PRRC2C: variants seen among roughly 807,000 people sequenced by gnomAD.
PRRC2C encodes the protein protein PRRC2C.
In PRRC2C, 72 loss-of-function variants were observed where a neutral mutation model predicts 317.2. That is an observed-to-expected ratio of 0.23 (90% CI 0.19 to 0.28). The LOEUF (loss-of-function observed/expected upper bound fraction) is 0.28. Ranked by LOEUF, PRRC2C falls within the 10% of genes least tolerant of loss-of-function variation. The probability of loss-of-function intolerance (pLI) is 1.00; values close to 1 mark genes in which losing one functional copy is unlikely to be tolerated. For missense variants in PRRC2C, 3,074 were observed against 3,459.7 expected (o/e 0.89, Z 2.80); for synonymous variants, 1,296 against 1,205.9 (o/e 1.07, Z -1.55).
chr1:171,497,830 G>A (rs1312811554), intron 1 of PRRC2C, among the ~76,000 whole-genome samples: 1 of 150,546 alleles, frequency 6.6e-6, no homozygotes, highest in East Asian at 2.0e-4. Flanking sequence ...GGGGCAGTGG[G>A]GGGATACAAG....
chr1:171,517,431 C>G (rs970563306), intron 5 of PRRC2C, among the ~76,000 whole-genome samples, 160 bp from the exon 6 acceptor site: 3 of 152,232 alleles, frequency 2.0e-5, no homozygotes, highest in African/African-American at 4.8e-5. Flanking sequence ...GAAGCCACTA[C>G]TACGCAAACA....
At chr1:171,513,526 A>G (rs1269663905) in intron 3 of PRRC2C, 4 of 448,608 alleles carry the variant, frequency 8.9e-6, no homozygotes, top group Non-Finnish European at 1.8e-5. Flanking sequence ...TCTGTCTGCC[A>G]ATTTACTGTG....
intron 19 of PRRC2C, among the ~76,000 whole-genome samples, chr1:171,560,656 C>T (rs764186880): frequency 6.6e-5 from 10 of 152,052 alleles, no homozygotes; most frequent in Non-Finnish European, 1.0e-4. Context: ...TCCTTTTTAG[C>T]GGTAGTTTTT....
chr1:171,530,187 GAT>G (rs1351386623), intron 11 of PRRC2C, among the ~76,000 whole-genome samples: 1 of 147,316 alleles, frequency 6.8e-6, no homozygotes, highest in Non-Finnish European at 1.5e-5. Flanking sequence ...AGAATGCAAA[GAT>G]ATGTTACAGA....
chr1:171,576,071 T>G (rs1685647379), intron 25 of PRRC2C, among the ~76,000 whole-genome samples: 1 of 152,260 alleles, frequency 6.6e-6, no homozygotes, highest in African/African-American at 2.4e-5. Flanking sequence ...ATTAACATTT[T>G]AAATCAAACT....
At chr1:171,551,988 A>G (rs1029937746) in intron 18 of PRRC2C, among the ~76,000 whole-genome samples, 2 of 152,150 alleles carry the variant, frequency 1.3e-5, no homozygotes, top group African/African-American at 4.8e-5. Flanking sequence ...GTTTTTTCCA[A>G]TTCTGTGAAG....
rs373848747 is a variant in PRRC2C, at chr1:171,566,720, C to T, written c.6435C>T (p.Ser2145=). The change falls in exon 22 of 35, where the codon AGC becomes AGT. Residue 2145 remains serine (S), a synonymous_variant. Transcript: ENST00000647382. Reference sequence around the variant, plus strand: ...AGCCAGAAGGACAAGAGAAACCAAGCCCAGCTACAGTCAGAAGCACAGATC... The same window carrying T: ...AGCCAGAAGGACAAGAGAAACCAAGTCCAGCTACAGTCAGAAGCACAGATC... ...QVEPEGQEKP[S]PATVRSTDPV... 6.2e-7 allele frequency: 1 copy of T among 1,613,532 alleles called. No homozygotes were observed. Among genetic ancestry groups the T allele is most frequent in the African/African-American group, 1.3e-5 (1 of 74,888 alleles).
At chr1:171,575,386 G>T (rs997308038) in intron 25 of PRRC2C, among the ~76,000 whole-genome samples, 3 of 152,120 alleles carry the variant, frequency 2.0e-5, no homozygotes, top group Non-Finnish European at 4.4e-5. Context: ...CAACTAACTA[G>T]ATCAGCTCAA....
At chr1:171,573,837 G>C (rs925182880) in intron 24 of PRRC2C, among the ~76,000 whole-genome samples, 2 of 151,408 alleles carry the variant, frequency 1.3e-5, no homozygotes, top group African/African-American at 4.9e-5. Flanking sequence ...CACCACGCCC[G>C]GCTAAATTTT....
chr1:171,557,812 A>G lies in PRRC2C; in HGVS notation c.5700A>G (p.Pro1900=). 6.5e-7 allele frequency: 1 copy of G among 1,549,174 alleles called. No individual in the cohort carries two copies. The highest frequency in any genetic ancestry group is 8.7e-7 in the Non-Finnish European group (1 of 1,145,818). ...ITAPTIPASA[P]TASVPLAPAS... is the part of the protein sequence containing the mutation. ...CACCAACTATCCCAGCCTCAGCCCC[A>G]ACTGCCTCAGTCCCACTTGCCCCTG... is the stretch of plus-strand genomic sequence containing the variant. The change falls in exon 19 of 35, where the codon CCA becomes CCG. Residue 1900 remains proline (P), a synonymous_variant. Transcript: ENST00000647382.
chr1:171,587,977 C>A (rs1033456554), intron 32 of PRRC2C, among the ~76,000 whole-genome samples: 3 of 151,486 alleles, frequency 2.0e-5, no homozygotes, highest in Non-Finnish European at 4.4e-5. Flanking sequence ...ACCTTTTTTT[C>A]TTTTATTTTT....
intron 1 of PRRC2C, among the ~76,000 whole-genome samples, chr1:171,492,055 C>G (rs774156842): frequency 7.9e-5 from 12 of 152,100 alleles, no homozygotes; most frequent in East Asian, 3.8e-4. Flanking sequence ...ACATTGAAAA[C>G]AAAGGAGGCT....
chr1:171,512,366 C>T, intron 2 of PRRC2C, 166 bp downstream of exon 2: 1 of 550,736 alleles, frequency 1.8e-6, no homozygotes, highest in South Asian at 1.7e-5. Context: ...TGATAAACAT[C>T]TTATAATTGA....
At chr1:171,574,309 T>C (rs235508) in intron 24 of PRRC2C, among the ~76,000 whole-genome samples, 121,255 of 152,114 alleles carry the variant, frequency 0.8, 48,484 homozygotes, top group Middle Eastern at 0.89. Flanking sequence ...AAATTACATA[T>C]TTGATTTGCA....
At chr1:171,557,183 T>G (rs1051519794) in intron 18 of PRRC2C, 57 bp from the exon 19 acceptor site, 84 of 1,474,952 alleles carry the variant, frequency 5.7e-5, no homozygotes, top group Non-Finnish European at 7.2e-5. Context: ...GTTGCATTTA[T>G]GAACTGTTGC....
Position 171,559,505 on chromosome 1 carries a change from G to GTTTTTTTTTTTTTTTTTTTTT in PRRC2C, c.6031+1365_6031+1366insTTTTTTTTTTTTTTTTTTTTT, listed in dbSNP as rs1236663155. The stretch of plus-strand genomic sequence containing the variant: ...ATCTGTTTACAAAATGGCATACCAA[G>GTTTTTTTTTTTTTTTTTTTTT]TTTGTTTTTTTTTTTTTTTTTTTTT... On this transcript the variant is annotated intron_variant, in intron 19 of 34. Transcript: ENST00000647382. Among the ~76,000 whole-genome samples the GTTTTTTTTTTTTTTTTTTTTT allele has an allele frequency of 2.4e-4, 23 of 95,124 alleles. 11 individuals are homozygous for GTTTTTTTTTTTTTTTTTTTTT. The highest frequency in any genetic ancestry group is 3.6e-4 in the African/African-American group (9 of 24,866). The allele number at this position is 95,124 out of a possible 152,430, so 62.4% of individuals were successfully genotyped here.
intron 11 of PRRC2C, among the ~76,000 whole-genome samples, chr1:171,529,350 C>G (rs1436265017): frequency 6.6e-6 from 1 of 152,200 alleles, no homozygotes; most frequent in African/African-American, 2.4e-5. Flanking sequence ...AACATCTCCA[C>G]TTGGATCTCT....
chr1:171,574,175 T>C (rs1045884722), intron 24 of PRRC2C, among the ~76,000 whole-genome samples: 3 of 152,122 alleles, frequency 2.0e-5, no homozygotes, highest in Non-Finnish European at 4.4e-5. Context: ...TTATAAAATA[T>C]CAATTTATGT....
chr1:171,522,635 G>C (rs961286627), intron 7 of PRRC2C: 2 of 155,418 alleles, frequency 1.3e-5, no homozygotes, highest in Admixed American at 1.3e-4. Context: ...TTAGTCGGAC[G>C]TGGTGGCGTG....
Sources: allele counts gnomAD v4.1 joint callset (sites outside exome capture counted in the v4.1 genomes callset), GRCh38; gene constraint gnomAD v4.1.1; transcripts MANE v1.5; gene names NCBI Gene and HGNC (gene_info 2026-07-23, HGNC 2026-07-21).